DNAH10: variants seen among roughly 807,000 people sequenced by gnomAD.
DNAH10 encodes the protein axonemal beta dynein heavy chain 10.
A neutral mutation model predicts 506.6 loss-of-function variants in DNAH10; 348 were observed. The ratio of observed to expected loss-of-function variants is 0.69; its 90% CI spans 0.63 to 0.75. The LOEUF is 0.75. Ranked by LOEUF, DNAH10 falls within the 30% of genes least tolerant of loss-of-function variation. The probability of loss-of-function intolerance (pLI) is 0.00; values close to 1 mark genes in which losing one functional copy is unlikely to be tolerated. For missense variants in DNAH10, 5,179 were observed against 5,787.1 expected, an observed-to-expected ratio of 0.89 and a Z score of 3.41; for synonymous variants, 2,059 against 2,198.6, an observed-to-expected ratio of 0.94 and a Z score of 1.78.
rs573829414 is a variant in DNAH10 at position 123,912,553 on chromosome 12, A to G, written c.10135-545A>G. Among the ~76,000 whole-genome samples the G allele has an allele frequency of 5.3e-5, 8 of 151,060 alleles. No individual in the cohort carries two copies. The East Asian group carries it at 7.9e-4, about 15-fold the overall frequency. ...AGCATCTTCAGCCTCACCCCACTGGATGCCAGCAGCACCCTCCCTCCAAGC... is the reference window on the plus strand; with the variant it reads ...AGCATCTTCAGCCTCACCCCACTGGGTGCCAGCAGCACCCTCCCTCCAAGC... On this transcript the variant is annotated intron_variant, in intron 59 of 78. Coordinates refer to ENST00000673944, the MANE Select transcript of DNAH10 (RefSeq NM_001372106.1).
chr12:123,867,385 CT>C (rs1951852734), intron 41 of DNAH10, 81 bp from the exon 42 acceptor site: 2 of 1,480,970 alleles, frequency 1.4e-6, no homozygotes, highest in African/African-American at 1.4e-5. Context: ...GCTCAACCCT[CT>C]TTGGGCAAGA....
In DNAH10 at chr12:123,800,412, T is replaced by C. The variant is rs1427272974; in HGVS notation, c.2462+24T>C. 33 of 1,607,242 alleles carry C rather than the reference T, an allele frequency of 2.1e-5. No individual in the cohort carries two copies. The East Asian group carries it at 7.4e-4, about 36-fold the overall frequency. On this transcript the variant is annotated intron_variant, in intron 15 of 78. Transcript: ENST00000673944. ...AGGTAAAAAAATTCTTCTTTTAAAT[T>C]AGCAGTAAGCTTTTTGTTCTTGGGA...
chr12:123,879,131 TA>T (rs1211523051), intron 48 of DNAH10, 132 bp from the exon 49 acceptor site: 8 of 684,578 alleles, frequency 1.2e-5, no homozygotes, highest in African/African-American at 5.4e-5. Flanking sequence ...AACGTGAGAC[TA>T]GGGGGGCACG....
chr12:123,880,494 C>T (rs985694714), intron 50 of DNAH10, among the ~76,000 whole-genome samples: 2 of 151,936 alleles, frequency 1.3e-5, no homozygotes, highest in African/African-American at 4.8e-5. Context: ...CACACATCAC[C>T]GTGCCCAGCT....
At position 123,870,596 on chromosome 12, in the gene DNAH10, G is replaced by A. The variant is rs1951991741; in HGVS notation, c.7639+111G>A. On this transcript the variant is annotated intron_variant, in intron 44 of 78. Coordinates refer to ENST00000673944, the MANE Select transcript of DNAH10 (RefSeq NM_001372106.1). The stretch of plus-strand genomic sequence containing the variant: ...TCTGGTACTCTAAGTCCCACGCAGA[G>A]AGCTGGTAGAGAAGAATTGAAGAGG... 3 of 1,412,470 alleles carry A rather than the reference G, an allele frequency of 2.1e-6. No homozygotes were observed. In the South Asian group the frequency reaches 4.2e-5, roughly 20 times the overall value. The allele number at this position is 1,412,470 out of a possible 1,614,324, so 87.5% of individuals were successfully genotyped here.
In DNAH10 at chr12:123,932,124, C is replaced by T. The variant is rs766658540; in HGVS notation, c.13296+16C>T. 1 of 1,612,616 alleles carries T rather than the reference C, an allele frequency of 6.2e-7. No individual in the cohort carries two copies. Among genetic ancestry groups the T allele is most frequent in the Non-Finnish European group, 8.5e-7 (1 of 1,179,792 alleles). On this transcript the variant is annotated intron_variant, in intron 76 of 78. Coordinates refer to ENST00000673944, the MANE Select transcript of DNAH10 (RefSeq NM_001372106.1). The stretch of plus-strand genomic sequence containing the variant: ...CATGTTGTGGGTAAGTGGCACGTCA[C>T]CGCCTCCTCTCTGCCGATTCAGGTG...
At chr12:123,873,508 G>A in intron 45 of DNAH10, 50 bp from the exon 46 acceptor site, 1 of 1,562,214 alleles carries the variant, frequency 6.4e-7, no homozygotes, top group Non-Finnish European at 8.7e-7. Flanking sequence ...GTTTACTGCT[G>A]CTACCCTGGG....
intron 2 of DNAH10, among the ~76,000 whole-genome samples, chr12:123,768,646 A>C (rs1333146315): frequency 6.6e-6 from 1 of 152,238 alleles, no homozygotes; most frequent in Non-Finnish European, 1.5e-5. Flanking sequence ...CCAGCTCAGC[A>C]AACACATGCT....
intron 71 of DNAH10, 22 bp from the exon 72 acceptor site, chr12:123,929,642 G>A: frequency 6.2e-7 from 1 of 1,606,596 alleles, no homozygotes; most frequent in Non-Finnish European, 8.5e-7. Context: ...CAGTATAACT[G>A]AGCGTGTTCT....
intron 52 of DNAH10, among the ~76,000 whole-genome samples, chr12:123,890,437 A>AT (rs1952930054): frequency 6.7e-6 from 1 of 149,474 alleles, no homozygotes; most frequent in African/African-American, 2.5e-5. Flanking sequence ...CAACCAGCTG[A>AT]TTAAAAAAAA....
intron 25 of DNAH10, among the ~76,000 whole-genome samples, chr12:123,829,480 A>T (rs1960311030): frequency 6.6e-6 from 1 of 152,218 alleles, no homozygotes. Context: ...TGTTATCCAT[A>T]GTAGCCAGTG....
chr12:123,783,925 G>A, intron 7 of DNAH10, 22 bp from the exon 8 acceptor site: 1 of 1,601,068 alleles, frequency 6.2e-7, no homozygotes, highest in Non-Finnish European at 8.6e-7. Context: ...AGAGTTCTTT[G>A]TGTGTTCATT....
At chr12:123,845,459 A>G (rs1950912138) in intron 30 of DNAH10, 141 bp from the exon 31 acceptor site, 1 of 1,137,126 alleles carries the variant, frequency 8.8e-7, no homozygotes. Context: ...ACTTAGGTAA[A>G]CAAATACAGG....
chr12:123,847,218 T>TC (rs1950986810), intron 32 of DNAH10, among the ~76,000 whole-genome samples: 6 of 142,724 alleles, frequency 4.2e-5, no homozygotes, highest in Non-Finnish European at 1.5e-5. Context: ...ATCCATCCTA[T>TC]TATCTATCTA....
intron 54 of DNAH10, 47 bp downstream of exon 54, chr12:123,894,770 A>G (rs1425337596): frequency 6.5e-7 from 1 of 1,528,918 alleles, no homozygotes; most frequent in South Asian, 1.1e-5. Flanking sequence ...AAAACAAAGC[A>G]ATTTATTTTC....
rs1242775840 is a variant in DNAH10, at chr12:123,914,985, A to G, written c.10708A>G (p.Lys3570Glu). The change falls in exon 62 of 79, where the codon AAG becomes GAG. Residue 3570 changes from lysine (K) to glutamate (E), a missense_variant. Lys to Glu is a moderately conservative substitution (Grantham distance 56). This residue lies in a region of DNAH10 where 4,844 missense variants were observed against 5,430.5 expected (regional missense o/e 0.89). Coordinates refer to ENST00000673944, the MANE Select transcript of DNAH10 (RefSeq NM_001372106.1). ...ALNWIKRKEE[K>E]NNLRVASFND... ...CAACTGGATCAAGAGAAAAGAGGAG[A>G]AGAACAATCTGCGGGTATGGTGGCT... The G allele has an allele frequency of 3.1e-6, 5 of 1,608,990 alleles. No individual in the cohort carries two copies. The African/African-American group carries it at 6.7e-5, about 22-fold the overall frequency.
chr12:123,923,950 A>G lies in DNAH10; in HGVS notation c.11611+83A>G, dbSNP rs1373028119. The G allele has an allele frequency of 2.7e-5, 29 of 1,069,234 alleles. No individual in the cohort carries two copies. The Admixed American group carries it at 5.5e-4, about 20-fold the overall frequency. The allele number at this position is 1,069,234 out of a possible 1,614,324, so 66.2% of individuals were successfully genotyped here. On this transcript the variant is annotated intron_variant, in intron 66 of 78. Transcript: ENST00000673944. ...ATAAGTTTGTCTGTTGAAACAAACA[A>G]TAACAAAAATTCTCCTTAAAACTTG...
At chr12:123,847,824 A>C in intron 32 of DNAH10, 137 bp from the exon 33 acceptor site, 4 of 1,185,854 alleles carry the variant, frequency 3.4e-6, no homozygotes, top group Non-Finnish European at 4.7e-6. Context: ...CCTGTGGCCC[A>C]GTCAAGTTGA....
rs1323747341 is a variant in DNAH10, at chr12:123,762,766, G to C, written c.214+216G>C. Among the ~76,000 whole-genome samples, 1 of 152,222 alleles carries C rather than the reference G, an allele frequency of 6.6e-6. No homozygotes were observed. The highest frequency in any genetic ancestry group is 2.4e-5 in the African/African-American group (1 of 41,460). On this transcript the variant is annotated intron_variant, in intron 1 of 78. Transcript: ENST00000673944. The surrounding 1 kb of genome is among the most constrained non-coding windows in gnomAD (Gnocchi z 5.0). ...GGCCCACAGCCCACTTGAAAGTCAG[G>C]CCTTGATTGAAAAATCACAGCAAAC...
Sources: allele counts gnomAD v4.1 joint callset (sites outside exome capture counted in the v4.1 genomes callset), GRCh38; gene constraint gnomAD v4.1.1; regional missense constraint gnomAD v4.1.1; non-coding constraint Gnocchi (gnomAD v3.1); transcripts MANE v1.5; gene names NCBI Gene and HGNC (gene_info 2026-07-23, HGNC 2026-07-21).